Variants in VPS13A observed in about 807,000 individuals in gnomAD.
VPS13A encodes vacuolar protein sorting 13 homolog A.
Under a neutral mutation model 390.9 loss-of-function variants are expected in VPS13A, and 264 were observed. The ratio of observed to expected loss-of-function variants is 0.68; its 90% CI spans 0.61 to 0.75. VPS13A has a LOEUF of 0.75. VPS13A is among the 30% of genes least tolerant of loss of function. The pLI, the probability that VPS13A is intolerant of heterozygous loss-of-function variation, is 0.00. For synonymous variants in VPS13A, 1,231 were observed against 1,227.1 expected, an observed-to-expected ratio of 1.00 and a Z score of -0.07; for missense variants, 3,409 against 3,733.9, an observed-to-expected ratio of 0.91 and a Z score of 2.27.
chr9:77,371,125 G>C lies in VPS13A; in HGVS notation c.9053G>C (p.Ser3018Thr). Residue 3018 changes from serine to threonine, a missense_variant, in exon 67 of 72, where the codon AGC becomes ACC. By Grantham distance (58) the Ser-to-Thr change is moderately conservative. Coordinates refer to ENST00000360280, the MANE Select transcript of VPS13A (RefSeq NM_033305.3). ...RPTGGIIDMA[S>T]STFQGIKRAT... ...ACTGGAGGCATCATAGACATGGCTA[G>C]CAGTACATTTCAGGGAATAAAAAGG... The C allele has an allele frequency of 6.2e-7, 1 of 1,614,102 alleles. No individual in the cohort carries two copies. The highest frequency in any genetic ancestry group is 8.5e-7 in the Non-Finnish European group (1 of 1,179,982).
At chr9:77,184,917 T>C (rs1387222279) in intron 1 of VPS13A, among the ~76,000 whole-genome samples, 2 of 152,164 alleles carry the variant, frequency 1.3e-5, no homozygotes, top group Non-Finnish European at 2.9e-5. Context: ...CATCTCTTTA[T>C]CTGTATCCTT....
intron 53 of VPS13A, among the ~76,000 whole-genome samples, chr9:77,352,109 A>G (rs182600331): frequency 4.1e-4 from 62 of 152,354 alleles, no homozygotes; most frequent in African/African-American, 1.5e-3. Context: ...TGAAAAACAA[A>G]TATGTTCTCT....
chr9:77,242,772 A>T lies in VPS13A; in HGVS notation c.1900+4386A>T, dbSNP rs923421858. 2.6e-5 allele frequency among the ~76,000 whole-genome samples: 4 copies of T among 151,888 alleles called. No individual in the cohort carries two copies. The South Asian group carries it at 8.3e-4, about 32-fold the overall frequency. On this transcript the variant is annotated intron_variant, in intron 19 of 71. Transcript: ENST00000360280. The stretch of plus-strand genomic sequence containing the variant: ...CTAAGATTTATTTACCTCAACTTTT[A>T]TTACTTAAAAAAATTACCAAACAGT...
At chr9:77,200,935 A>C (rs1825297058) in intron 2 of VPS13A, among the ~76,000 whole-genome samples, 1 of 152,176 alleles carries the variant, frequency 6.6e-6, no homozygotes, top group African/African-American at 2.4e-5. Context: ...TTTTCCTAGC[A>C]CCATTTATTT....
chr9:77,401,453 C>T (rs1186467293), intron 68 of VPS13A, among the ~76,000 whole-genome samples: 1 of 151,202 alleles, frequency 6.6e-6, no homozygotes, highest in East Asian at 1.9e-4. Context: ...TTTCCATTTC[C>T]AAAATTTCTT....
intron 46 of VPS13A, 55 bp from the exon 47 acceptor site, chr9:77,337,200 G>T: frequency 6.6e-7 from 1 of 1,504,098 alleles, no homozygotes; most frequent in Non-Finnish European, 9.0e-7. Flanking sequence ...TAATTATATA[G>T]TTTAATATGT....
At chr9:77,220,238 A>G in intron 11 of VPS13A, 39 bp from the exon 12 acceptor site, 1 of 1,572,744 alleles carries the variant, frequency 6.4e-7, no homozygotes. Flanking sequence ...GAACAAAAAA[A>G]TGTGATACAT....
intron 69 of VPS13A, among the ~76,000 whole-genome samples, chr9:77,405,204 C>T (rs912310764): frequency 1.3e-5 from 2 of 152,152 alleles, no homozygotes; most frequent in African/African-American, 4.8e-5. Flanking sequence ...AAGTCTTCCT[C>T]TAAAATTGGC....
At chr9:77,310,212 G>A (rs137910366) in intron 35 of VPS13A, among the ~76,000 whole-genome samples, 4 of 152,054 alleles carry the variant, frequency 2.6e-5, no homozygotes, top group African/African-American at 4.8e-5. Context: ...AAAATATGGG[G>A]TTAAAAAAAC....
chr9:77,401,995 T>C (rs1374890231), intron 68 of VPS13A, among the ~76,000 whole-genome samples: 1 of 152,228 alleles, frequency 6.6e-6, no homozygotes, highest in Non-Finnish European at 1.5e-5. Context: ...CAGTGCTGTC[T>C]GTGGTTTCAG....
chr9:77,347,478 C>A (rs11145393), intron 52 of VPS13A, among the ~76,000 whole-genome samples: 1 of 151,620 alleles, frequency 6.6e-6, no homozygotes, highest in African/African-American at 2.4e-5. Flanking sequence ...GTAGATTTTT[C>A]TTTTTTGTTT....
chr9:77,228,019 C>A, intron 16 of VPS13A, 103 bp from the exon 17 acceptor site: 2 of 884,968 alleles, frequency 2.3e-6, no homozygotes, highest in Non-Finnish European at 1.6e-6. Flanking sequence ...ATAAAATGTC[C>A]TTAAAATATT....
chr9:77,407,636 A>G, intron 71 of VPS13A, 29 bp downstream of exon 71: 1 of 1,512,390 alleles, frequency 6.6e-7, no homozygotes, highest in Non-Finnish European at 9.2e-7. Flanking sequence ...TTATTTAAAT[A>G]GGAGCTGCTC....
In VPS13A at chr9:77,315,308, A is replaced by C. The variant is rs760978610; in HGVS notation, c.4468A>C (p.Arg1490=). ...AAAAGACATGATGGATATAAAGTAC[A>C]GGAAAGTCAGAGATGGTTGTGTGAC... ...DKKDMMDIKY[R]KVRDGCVTDA... is the part of the protein sequence containing the mutation. Residue 1490 remains arginine, a synonymous_variant, in exon 38 of 72, where the codon AGG becomes CGG. Transcript: ENST00000360280. The C allele has an allele frequency of 1.2e-6, 2 of 1,614,014 alleles. No homozygotes were observed. The highest frequency in any genetic ancestry group is 1.1e-5 in the South Asian group (1 of 91,086).
intron 1 of VPS13A, among the ~76,000 whole-genome samples, chr9:77,186,663 C>G (rs1280241905): frequency 6.6e-6 from 1 of 152,146 alleles, no homozygotes; most frequent in Non-Finnish European, 1.5e-5. Context: ...GTCTTGATCT[C>G]TTGACCTAGT....
At chr9:77,401,650 T>C (rs1361370229) in intron 68 of VPS13A, among the ~76,000 whole-genome samples, 3 of 152,186 alleles carry the variant, frequency 2.0e-5, no homozygotes, top group Non-Finnish European at 4.4e-5. Context: ...CCACAAATAA[T>C]TTCTACTCAT....
At chr9:77,241,464 T>G (rs1213459398) in intron 19 of VPS13A, among the ~76,000 whole-genome samples, 9 of 150,520 alleles carry the variant, frequency 6.0e-5, no homozygotes, top group African/African-American at 2.2e-4. Flanking sequence ...AGATCATAAG[T>G]ACAGTATTTT....
intron 69 of VPS13A, 125 bp from the exon 70 acceptor site, chr9:77,405,739 A>G (rs1013913528): frequency 6.5e-6 from 8 of 1,229,604 alleles, no homozygotes; most frequent in Non-Finnish European, 9.2e-6. Flanking sequence ...TTCATTAAGA[A>G]TATAGAATAT....
chr9:77,277,406 C>G (rs147509736), intron 26 of VPS13A, among the ~76,000 whole-genome samples: 1 of 152,206 alleles, frequency 6.6e-6, no homozygotes. Context: ...ACATTTGTTA[C>G]AACTGATGAA....
Sources: allele counts gnomAD v4.1 joint callset (sites outside exome capture counted in the v4.1 genomes callset), GRCh38; gene constraint gnomAD v4.1.1; transcripts MANE v1.5; gene names NCBI Gene and HGNC (gene_info 2026-07-23, HGNC 2026-07-21).